Variants in PTPRT observed in about 807,000 individuals in gnomAD.
PTPRT encodes protein tyrosine phosphatase receptor type T.
Under a neutral mutation model 176.8 loss-of-function variants are expected in PTPRT, and 56 were observed. The observed-to-expected ratio is 0.32, with a 90% CI of 0.26 to 0.40. The LOEUF is 0.40. Among genes scored for constraint, PTPRT ranks in the 10% least tolerant of loss-of-function variants. PTPRT has a pLI of 1.00. For synonymous variants in PTPRT, 783 were observed against 739.0 expected (o/e 1.06, Z -0.96); for missense variants, 1,540 against 1,908.2 (o/e 0.81, Z 3.60).
intron 7 of PTPRT, among the ~76,000 whole-genome samples, chr20:42,664,544 T>A (rs1209015397): frequency 6.6e-6 from 1 of 152,240 alleles, no homozygotes; most frequent in Non-Finnish European, 1.5e-5. Context: ...CACATGGTAA[T>A]ATATGCAATA....
chr20:42,811,278 AC>A (rs2077693736), intron 2 of PTPRT, among the ~76,000 whole-genome samples: 1 of 152,216 alleles, frequency 6.6e-6, no homozygotes, highest in Admixed American at 6.5e-5. Flanking sequence ...TATGATATAC[AC>A]AGAGACAAAA....
chr20:42,987,151 G>A (rs56261112), intron 1 of PTPRT, among the ~76,000 whole-genome samples: 39,907 of 151,282 alleles, frequency 0.26, 5,339 homozygotes, highest in South Asian at 0.35. Context: ...ACCCATCCTC[G>A]CCCCTGCAAC....
In PTPRT at chr20:42,212,318, C is replaced by CAA. The variant is rs71193651; in HGVS notation, c.2343-12932_2343-12931dup. On this transcript the variant is annotated intron_variant, in intron 15 of 30. Coordinates refer to ENST00000373187, the MANE Select transcript of PTPRT (RefSeq NM_007050.6). ...TTAAAGTATAAAAAAAAAAAAAAGA[C>CAA]AAAAAAAAAAAAAGAGTTCAATGTG... Among the ~76,000 whole-genome samples, 453 of 106,890 alleles carry CAA rather than the reference C, an allele frequency of 4.2e-3. 6 individuals carry two copies. Among genetic ancestry groups the CAA allele is most frequent in the African/African-American group, 0.013 (360 of 26,830 alleles). 70.1% of individuals were successfully genotyped at this position (106,890 alleles called of 152,430 possible).
intron 1 of PTPRT, among the ~76,000 whole-genome samples, chr20:43,165,309 C>A (rs1014587580): frequency 6.6e-6 from 1 of 152,112 alleles, no homozygotes; most frequent in African/African-American, 2.4e-5. Flanking sequence ...CAGGCGCCTG[C>A]CACAATCATG....
rs6030309 is a variant in PTPRT at position 42,539,093 on chromosome 20, G to A, written c.1154-66531C>T. 3.0e-3 allele frequency among the ~76,000 whole-genome samples: 452 copies of A among 152,270 alleles called. 3 individuals carry two copies. The highest frequency in any genetic ancestry group is 5.1e-3 in the Non-Finnish European group (348 of 68,016). On this transcript the variant is annotated intron_variant, in intron 7 of 30. Transcript: ENST00000373187. The stretch of plus-strand genomic sequence containing the variant: ...CATTGGCAATGGGACCTCAGAGTCA[G>A]GGATCATGTTGTTCTTAATACTGGA...
Position 42,398,272 on chromosome 20 carries a change from T to A in PTPRT, c.1561-45987A>T, listed in dbSNP as rs192893578. Among the ~76,000 whole-genome samples the A allele has an allele frequency of 2.4e-4, 36 of 152,254 alleles. No homozygotes were observed. In the East Asian group the frequency reaches 6.2e-3, roughly 26 times the overall value. ...CTAATGGTTAATAAAATGAAATAAA[T>A]TAAAATGGTATGGGTTTTTTTCTAT... is the stretch of plus-strand genomic sequence containing the variant. On this transcript the variant is annotated intron_variant, in intron 9 of 30. Transcript: ENST00000373187.
intron 1 of PTPRT, among the ~76,000 whole-genome samples, chr20:42,905,876 T>C (rs1164983320): frequency 6.8e-6 from 1 of 147,792 alleles, no homozygotes; most frequent in Non-Finnish European, 1.5e-5. Context: ...ATGAGATCAT[T>C]TGGACACAGA....
intron 2 of PTPRT, among the ~76,000 whole-genome samples, chr20:42,867,751 G>A (rs949320092): frequency 5.5e-5 from 8 of 145,946 alleles, no homozygotes; most frequent in Admixed American, 1.4e-4. Context: ...GCACTATGTC[G>A]GCTCACCACA....
At chr20:42,868,196 T>A (rs2078783511) in intron 2 of PTPRT, among the ~76,000 whole-genome samples, 1 of 152,152 alleles carries the variant, frequency 6.6e-6, no homozygotes, top group Non-Finnish European at 1.5e-5. Flanking sequence ...TGGCAAAGGT[T>A]CAAAAGAAGA....
chr20:42,883,740 T>TTATACA (rs2079049903), intron 2 of PTPRT, among the ~76,000 whole-genome samples: 8 of 12,410 alleles, frequency 6.4e-4, no homozygotes, highest in Admixed American at 1.5e-3. Flanking sequence ...CCCCATACAC[T>TTATACA]CTCACACATA....
chr20:42,507,009 CA>C (rs1227890837), intron 7 of PTPRT, among the ~76,000 whole-genome samples: 1 of 152,122 alleles, frequency 6.6e-6, no homozygotes, highest in African/African-American at 2.4e-5. Flanking sequence ...GAAGTGCATT[CA>C]AATCTCAGCT....
chr20:42,972,431 G>A (rs1204918183), intron 1 of PTPRT, among the ~76,000 whole-genome samples: 1 of 151,638 alleles, frequency 6.6e-6, no homozygotes. Context: ...GGAGGCCGAG[G>A]TGAGCAGATA....
intron 1 of PTPRT, among the ~76,000 whole-genome samples, chr20:42,942,185 C>T (rs900028354): frequency 6.6e-6 from 1 of 152,124 alleles, no homozygotes; most frequent in Non-Finnish European, 1.5e-5. Flanking sequence ...CATGCAGTAT[C>T]TGCAGATGCC....
At chr20:42,596,696 C>G (rs545636448) in intron 7 of PTPRT, among the ~76,000 whole-genome samples, 55 of 152,240 alleles carry the variant, frequency 3.6e-4, no homozygotes, top group African/African-American at 1.2e-3. Flanking sequence ...AAGCAAATAC[C>G]AAAAATGAAT....
chr20:42,448,431 G>T, intron 8 of PTPRT, 102 bp from the exon 9 acceptor site: 1 of 846,292 alleles, frequency 1.2e-6, no homozygotes, highest in Non-Finnish European at 2.0e-6. Flanking sequence ...TAAAGAACCA[G>T]ATAGTAAATA....
intron 7 of PTPRT, among the ~76,000 whole-genome samples, chr20:42,623,054 C>T (rs2074227776): frequency 6.6e-6 from 1 of 152,198 alleles, no homozygotes; most frequent in Admixed American, 6.5e-5. Flanking sequence ...GGAAAATCAT[C>T]TTCCCACTCC....
chr20:42,502,405 AACACACAC>A (rs11467404), intron 7 of PTPRT, among the ~76,000 whole-genome samples: 12,744 of 137,316 alleles, frequency 0.093, 599 homozygotes, highest in East Asian at 0.18. Context: ...TATGTATACA[AACACACAC>A]ACACACACAC....
At chr20:42,154,865 G>T (rs1451614697) in intron 17 of PTPRT, among the ~76,000 whole-genome samples, 4 of 152,180 alleles carry the variant, frequency 2.6e-5, no homozygotes, top group African/African-American at 9.7e-5. Context: ...GAGCTGGGGG[G>T]GAAGCAGGCT....
chr20:42,205,045 T>C (rs2055420349), intron 15 of PTPRT, among the ~76,000 whole-genome samples: 3 of 122,316 alleles, frequency 2.5e-5, no homozygotes, highest in Admixed American at 1.1e-4. Flanking sequence ...TACATATGTA[T>C]ACATGTGCCA....
Sources: gnomAD v4.1 joint callset for allele counts (sites outside exome capture counted in the v4.1 genomes callset) on GRCh38, gnomAD v4.1.1 for gene constraint, MANE v1.5 for transcripts, NCBI Gene and HGNC (gene_info 2026-07-23, HGNC 2026-07-21) for gene names.